Variants in DYSF observed in about 807,000 individuals in gnomAD.
The protein encoded by DYSF is dystrophy-associated fer-1-like 1.
A neutral mutation model predicts 274.9 loss-of-function variants in DYSF; 212 were observed. The observed-to-expected ratio is 0.77, with a 90% CI of 0.69 to 0.86. DYSF has a LOEUF of 0.86. DYSF is among the 40% of genes least tolerant of loss of function. The pLI, the probability that DYSF is intolerant of heterozygous loss-of-function variation, is 0.00. For synonymous variants in DYSF, 1,091 were observed against 1,078.7 expected (o/e 1.01, Z -0.22); for missense variants, 2,666 against 2,783.2 (o/e 0.96, Z 0.95).
chr2:71,601,329 G>A, intron 34 of DYSF, 170 bp from the exon 35 acceptor site: 1 of 837,438 alleles, frequency 1.2e-6, no homozygotes, highest in Non-Finnish European at 2.0e-6. Context: ...TCTGGGTGAA[G>A]TGTCTGGAGG....
At chr2:71,568,437 C>T (rs1458926582) in intron 26 of DYSF, 99 bp downstream of exon 26, 15 of 1,468,654 alleles carry the variant, frequency 1.0e-5, no homozygotes, top group Admixed American at 8.9e-5. Flanking sequence ...GTTGATCCCT[C>T]TGCTTGCTCC....
chr2:71,639,184 T>C (rs2094451342), intron 41 of DYSF, among the ~76,000 whole-genome samples: 1 of 152,242 alleles, frequency 6.6e-6, no homozygotes, highest in South Asian at 2.1e-4. Flanking sequence ...GATTTGTCTT[T>C]TTATCATTGA....
chr2:71,575,902 C>G (rs77127531), intron 30 of DYSF, among the ~76,000 whole-genome samples: 1 of 152,188 alleles, frequency 6.6e-6, no homozygotes, highest in Non-Finnish European at 1.5e-5. Context: ...TTGTCTCACA[C>G]GGGCTCTCTC....
intron 1 of DYSF, among the ~76,000 whole-genome samples, chr2:71,469,375 G>A (rs2081796779): frequency 6.6e-6 from 1 of 152,190 alleles, no homozygotes; most frequent in Admixed American, 6.5e-5. Flanking sequence ...CTTTTCTGAA[G>A]CCAGATCCCT....
chr2:71,553,992 A>G lies in DYSF; in HGVS notation c.2109+61A>G, dbSNP rs532622023. Reference sequence around the variant, plus strand: ...TGCATGCACCTGCTACCCCCGCTGCATGGGGTGTCTCAGACCACCACCCAC... The same window carrying G: ...TGCATGCACCTGCTACCCCCGCTGCGTGGGGTGTCTCAGACCACCACCCAC... On this transcript the variant is annotated intron_variant, in intron 21 of 55. Coordinates refer to ENST00000410020, the MANE Select transcript of DYSF (RefSeq NM_001130987.2). 5.3e-5 allele frequency: 86 copies of G among 1,611,930 alleles called. 1 individual carries two copies. In the South Asian group the frequency reaches 8.0e-4, roughly 15 times the overall value.
At chr2:71,477,418 T>C (rs2082479615) in intron 1 of DYSF, among the ~76,000 whole-genome samples, 1 of 152,142 alleles carries the variant, frequency 6.6e-6, no homozygotes, top group African/African-American at 2.4e-5. Flanking sequence ...TGCCGGGCTC[T>C]GTCAGGAGCT....
At chr2:71,493,410 A>G (rs551574923) in intron 3 of DYSF, among the ~76,000 whole-genome samples, 1 of 152,326 alleles carries the variant, frequency 6.6e-6, no homozygotes, top group South Asian at 2.1e-4. Context: ...ATAATATAGT[A>G]TCCCTTTTTT....
chr2:71,555,524 C>T lies in DYSF; in HGVS notation c.2110-441C>T, dbSNP rs1009347812. Among the ~76,000 whole-genome samples the T allele has an allele frequency of 7.2e-5, 11 of 152,198 alleles. No homozygotes were observed. The East Asian group carries it at 9.7e-4, about 13-fold the overall frequency. On this transcript the variant is annotated intron_variant, in intron 21 of 55. Coordinates refer to ENST00000410020, the MANE Select transcript of DYSF (RefSeq NM_001130987.2). ...CTGTCTGTGATTAGAGGTGGCAGGA[C>T]GAATCCTGGAGGAGGGCGCTCTTAG... is the stretch of plus-strand genomic sequence containing the variant.
chr2:71,669,571 A>G, intron 50 of DYSF, 34 bp from the exon 51 acceptor site: 1 of 1,614,068 alleles, frequency 6.2e-7, no homozygotes, highest in Non-Finnish European at 8.5e-7. Flanking sequence ...GGAAATCTTA[A>G]TGAGAACTAT....
intron 52 of DYSF, among the ~76,000 whole-genome samples, chr2:71,676,398 ATATT>A (rs2095223015): frequency 6.6e-6 from 1 of 152,028 alleles, no homozygotes; most frequent in Non-Finnish European, 1.5e-5. Context: ...ACTTTAAAAT[ATATT>A]TATTATCCGT....
intron 41 of DYSF, among the ~76,000 whole-genome samples, chr2:71,628,864 A>T (rs184246010): frequency 2.5e-4 from 38 of 152,112 alleles, no homozygotes; most frequent in African/African-American, 8.4e-4. Flanking sequence ...AGGTGGGAGG[A>T]TCGCTTGAGC....
chr2:71,678,993 A>G, intron 52 of DYSF, 64 bp from the exon 53 acceptor site: 2 of 1,499,212 alleles, frequency 1.3e-6, no homozygotes, highest in Non-Finnish European at 1.9e-6. Flanking sequence ...TGCCCTGCCT[A>G]AGGGTGGCTA....
intron 41 of DYSF, among the ~76,000 whole-genome samples, chr2:71,635,010 C>G (rs748064730): frequency 3.5e-4 from 54 of 152,182 alleles, no homozygotes; most frequent in Non-Finnish European, 6.9e-4. Flanking sequence ...AGGGCTTAGG[C>G]TCTGTCTCCC....
Position 71,598,686 on chromosome 2 carries a change from G to C in DYSF, c.3697G>C (p.Ala1233Pro). ...CGAGATCGAGATCTTTGGCGAGCCG[G>C]CCACAGTTGCTGAGCAACCGCCCAG... ...FYEIEIFGEP[A>P]TVAEQPPSIV... The change falls in exon 33 of 56, where the codon GCC becomes CCC. Residue 1233 changes from alanine (A) to proline (P), a missense_variant. Ala to Pro is a conservative substitution (Grantham distance 27, BLOSUM62 -1). Coordinates refer to ENST00000410020, the MANE Select transcript of DYSF (RefSeq NM_001130987.2). The C allele has an allele frequency of 1.2e-6, 2 of 1,613,916 alleles. No individual in the cohort carries two copies. Among genetic ancestry groups the C allele is most frequent in the Non-Finnish European group, 1.7e-6 (2 of 1,180,028 alleles).
At chr2:71,475,469 A>T (rs1353888980) in intron 1 of DYSF, among the ~76,000 whole-genome samples, 1 of 152,180 alleles carries the variant, frequency 6.6e-6, no homozygotes, top group East Asian at 1.9e-4. Context: ...TGTCCTGCAC[A>T]TGTGGTCACA....
chr2:71,535,783 C>T (rs545765257), intron 16 of DYSF, among the ~76,000 whole-genome samples: 6 of 152,098 alleles, frequency 3.9e-5, no homozygotes, highest in Non-Finnish European at 7.4e-5. Context: ...GAGCAGGGGA[C>T]ACCACGGCAG....
intron 41 of DYSF, among the ~76,000 whole-genome samples, chr2:71,625,344 T>C (rs2094190327): frequency 6.6e-6 from 1 of 152,198 alleles, no homozygotes; most frequent in Admixed American, 6.5e-5. Flanking sequence ...TCACCTGGAA[T>C]TGATTTTGCG....
In DYSF at chr2:71,564,050, C is replaced by T; in HGVS notation, c.2410-8C>T. ...CCATCCCCACCCCGACCACCACCCTCTGTTCAGCCCCAGAACAGCCTGCCG... is the reference window on the plus strand; with the variant it reads ...CCATCCCCACCCCGACCACCACCCTTTGTTCAGCCCCAGAACAGCCTGCCG... On this transcript the variant is annotated splice_region_variant and splice_polypyrimidine_tract_variant and intron_variant, in intron 23 of 55. Transcript: ENST00000410020. 6.2e-7 allele frequency: 1 copy of T among 1,613,982 alleles called. No individual in the cohort carries two copies. Among genetic ancestry groups the T allele is most frequent in the Non-Finnish European group, 8.5e-7 (1 of 1,179,942 alleles).
intron 17 of DYSF, among the ~76,000 whole-genome samples, chr2:71,542,078 G>A (rs1169625756): frequency 6.6e-6 from 1 of 152,174 alleles, no homozygotes; most frequent in Non-Finnish European, 1.5e-5. Context: ...ACCAACTTGG[G>A]TTCAAATGCT....
Sources: gnomAD v4.1 joint callset for allele counts (sites outside exome capture counted in the v4.1 genomes callset) on GRCh38, gnomAD v4.1.1 for gene constraint, MANE v1.5 for transcripts, NCBI Gene and HGNC (gene_info 2026-07-23, HGNC 2026-07-21) for gene names.